Variants in MALRD1 observed in about 807,000 individuals in gnomAD.
MALRD1 encodes the protein MAM and LDL-receptor class A domain-containing protein 1.
MALRD1 carries 247 observed loss-of-function variants against 242.1 expected under a neutral mutation model. That is an observed-to-expected ratio of 1.02 (90% CI 0.92 to 1.13). MALRD1 has a LOEUF of 1.13. MALRD1 is among the 50% of genes most tolerant of loss of function. The pLI is 0.00. For synonymous variants in MALRD1, 995 were observed against 866.6 expected, an observed-to-expected ratio of 1.15 and a Z score of -2.60; for missense variants, 2,989 against 2,533.1, an observed-to-expected ratio of 1.18 and a Z score of -3.86.
chr10:19,131,882 T>C (rs1833123375), intron 8 of MALRD1, among the ~76,000 whole-genome samples: 1 of 152,196 alleles, frequency 6.6e-6, no homozygotes, highest in African/African-American at 2.4e-5. Flanking sequence ...GGAGATTTCT[T>C]TTTTACATTA....
intron 29 of MALRD1, among the ~76,000 whole-genome samples, chr10:19,456,513 T>C (rs891416690): frequency 6.6e-6 from 1 of 151,992 alleles, no homozygotes; most frequent in African/African-American, 2.4e-5. Flanking sequence ...TTGCTTTATA[T>C]AAAGTTCACA....
intron 36 of MALRD1, among the ~76,000 whole-genome samples, chr10:19,631,140 C>T (rs923962648): frequency 6.6e-6 from 1 of 152,146 alleles, no homozygotes; most frequent in African/African-American, 2.4e-5. Context: ...CCTTTTCCTC[C>T]TCCCAACCTG....
intron 36 of MALRD1, among the ~76,000 whole-genome samples, chr10:19,687,715 A>G (rs1205153851): frequency 6.6e-6 from 1 of 152,212 alleles, no homozygotes. Context: ...CTATTGAGAA[A>G]GTTGGTACAA....
intron 1 of MALRD1, chr10:19,051,329 CA>C (rs1409310768): frequency 6.6e-6 from 1 of 151,684 alleles, no homozygotes; most frequent in African/African-American, 2.4e-5. Flanking sequence ...ACTTGTGTGA[CA>C]TTTAAAGAAA....
intron 28 of MALRD1, among the ~76,000 whole-genome samples, chr10:19,436,103 C>A (rs958756574): frequency 1.3e-5 from 2 of 152,040 alleles, no homozygotes; most frequent in Non-Finnish European, 2.9e-5. Flanking sequence ...TGACTTCAGC[C>A]CTACAAGATG....
chr10:19,291,142 G>C (rs996661440), intron 21 of MALRD1, among the ~76,000 whole-genome samples: 1 of 152,094 alleles, frequency 6.6e-6, no homozygotes, highest in Admixed American at 6.6e-5. Context: ...GTTAAATAAT[G>C]TTTAATATTA....
chr10:19,081,535 G>A (rs766292272), intron 2 of MALRD1, among the ~76,000 whole-genome samples: 2 of 152,072 alleles, frequency 1.3e-5, no homozygotes, highest in African/African-American at 4.8e-5. Context: ...AATACCACAT[G>A]TTCTCACTTA....
chr10:19,509,063 C>T (rs1833277428), intron 31 of MALRD1, among the ~76,000 whole-genome samples: 1 of 152,136 alleles, frequency 6.6e-6, no homozygotes, highest in African/African-American at 2.4e-5. Flanking sequence ...ATAATTTTAA[C>T]AATTTAGCCT....
chr10:19,108,395 T>TGAA (rs1564396525), intron 5 of MALRD1, among the ~76,000 whole-genome samples: 15 of 8,206 alleles, frequency 1.8e-3, no homozygotes, highest in East Asian at 3.8e-3. Context: ...TTCTTTTTTT[T>TGAA]TTTTTTTTTT....
chr10:19,560,507 G>A (rs912720823), intron 32 of MALRD1, among the ~76,000 whole-genome samples: 5 of 151,980 alleles, frequency 3.3e-5, no homozygotes, highest in Non-Finnish European at 7.4e-5. Flanking sequence ...AAAGACACAT[G>A]CACATGTATG....
intron 28 of MALRD1, among the ~76,000 whole-genome samples, chr10:19,406,875 G>A (rs779490062): frequency 1.3e-5 from 2 of 152,130 alleles, no homozygotes; most frequent in Non-Finnish European, 2.9e-5. Context: ...TGTTATTGGA[G>A]TGCCAACTTC....
intron 24 of MALRD1, among the ~76,000 whole-genome samples, chr10:19,342,715 G>C (rs759673465): frequency 3.2e-4 from 49 of 152,062 alleles, no homozygotes; most frequent in Admixed American, 5.3e-4. Context: ...AGTAGGTCAG[G>C]TATCATGATG....
intron 18 of MALRD1, among the ~76,000 whole-genome samples, chr10:19,220,048 T>G (rs1235684906): frequency 6.6e-6 from 1 of 152,182 alleles, no homozygotes; most frequent in Admixed American, 6.5e-5. Flanking sequence ...TAATTTTCAT[T>G]GTTTTATCTA....
chr10:19,588,568 T>G (rs1408932796), intron 33 of MALRD1, among the ~76,000 whole-genome samples: 1 of 152,238 alleles, frequency 6.6e-6, no homozygotes, highest in Non-Finnish European at 1.5e-5. Context: ...ATTGTGGGAT[T>G]TTCTGTTGTT....
At chr10:19,482,726 T>C (rs1837055618) in intron 29 of MALRD1, among the ~76,000 whole-genome samples, 1 of 149,570 alleles carries the variant, frequency 6.7e-6, no homozygotes, top group South Asian at 2.1e-4. Flanking sequence ...GGAATACATC[T>C]AACCAAGGAG....
At chr10:19,190,240 A>G (rs11511059) in intron 14 of MALRD1, among the ~76,000 whole-genome samples, 11,211 of 152,114 alleles carry the variant, frequency 0.074, 540 homozygotes, top group Non-Finnish European at 0.11. Context: ...TTTAGGAATT[A>G]ATCAAGATGG....
chr10:19,733,590 G>C (rs1156965395), intron 39 of MALRD1, among the ~76,000 whole-genome samples: 1 of 151,488 alleles, frequency 6.6e-6, no homozygotes, highest in Non-Finnish European at 1.5e-5. Context: ...CAAATGGGTA[G>C]ATATGGCTCT....
At chr10:19,722,815 G>A (rs920558257) in intron 38 of MALRD1, among the ~76,000 whole-genome samples, 1 of 151,776 alleles carries the variant, frequency 6.6e-6, no homozygotes, top group African/African-American at 2.4e-5. Flanking sequence ...CTATCGGTGG[G>A]CACCTACTTG....
At chr10:19,261,207 C>T (rs2131818476) in intron 19 of MALRD1, among the ~76,000 whole-genome samples, 1 of 152,224 alleles carries the variant, frequency 6.6e-6, no homozygotes, top group African/African-American at 2.4e-5. Flanking sequence ...CTACTAGAAG[C>T]ATAGGCAGAG....
Sources: allele counts gnomAD v4.1 joint callset (sites outside exome capture counted in the v4.1 genomes callset), GRCh38; gene constraint gnomAD v4.1.1; transcripts MANE v1.5; gene names NCBI Gene and HGNC (gene_info 2026-07-23, HGNC 2026-07-21).